CMIP: variants seen among roughly 807,000 people sequenced by gnomAD.
CMIP encodes C-Maf-inducing protein.
In CMIP, 13 loss-of-function variants were observed where a neutral mutation model predicts 97.3. The observed-to-expected ratio is 0.13, with a 90% CI of 0.09 to 0.21. CMIP has a LOEUF of 0.21. Among genes scored for constraint, CMIP ranks in the 10% least tolerant of loss-of-function variants. The pLI is 1.00. For missense variants in CMIP, 847 were observed against 1,024.9 expected, an observed-to-expected ratio of 0.83 and a Z score of 2.37; for synonymous variants, 538 against 436.3, an observed-to-expected ratio of 1.23 and a Z score of -2.91.
chr16:81,678,178 C>T (rs1460981199), intron 9 of CMIP, 97 bp from the exon 10 acceptor site: 13 of 908,950 alleles, frequency 1.4e-5, no homozygotes, highest in African/African-American at 3.4e-5. Flanking sequence ...ACATTTTGGC[C>T]TCATCCTGGG....
intron 1 of CMIP, among the ~76,000 whole-genome samples, chr16:81,537,694 C>A (rs1164428611): frequency 1.3e-5 from 2 of 150,438 alleles, no homozygotes; most frequent in African/African-American, 4.9e-5. Flanking sequence ...AGTGAGACGC[C>A]CATCTCTGTT....
At chr16:81,473,636 G>GC (rs1310805373) in intron 1 of CMIP, among the ~76,000 whole-genome samples, 1 of 126,264 alleles carries the variant, frequency 7.9e-6, no homozygotes, top group African/African-American at 3.4e-5. Context: ...GGGCTTGGAC[G>GC]CTTGTGTTGG....
chr16:81,634,026 G>C (rs977685227), intron 3 of CMIP, among the ~76,000 whole-genome samples: 4 of 152,240 alleles, frequency 2.6e-5, no homozygotes, highest in African/African-American at 9.6e-5. Context: ...CGGTAGCTCA[G>C]TGGTTTTCAG....
intron 1 of CMIP, among the ~76,000 whole-genome samples, chr16:81,509,682 C>A (rs955326761): frequency 6.6e-6 from 1 of 152,184 alleles, no homozygotes; most frequent in Non-Finnish European, 1.5e-5. Context: ...AGGGCTCCAA[C>A]CCTGGTTTCA....
intron 1 of CMIP, among the ~76,000 whole-genome samples, chr16:81,584,817 C>T (rs2091354040): frequency 6.6e-6 from 1 of 152,186 alleles, no homozygotes; most frequent in South Asian, 2.1e-4. Context: ...AGTAAAGGAA[C>T]GCTTCTGCAA....
intron 18 of CMIP, 38 bp downstream of exon 18, chr16:81,704,123 C>G (rs1288731915): frequency 1.3e-5 from 20 of 1,569,158 alleles, no homozygotes; most frequent in Non-Finnish European, 1.6e-5. Context: ...CCCACACCCT[C>G]CTCCTTCACC....
rs575943434 is a variant in CMIP, at chr16:81,663,832, C to G, written c.745-437C>G. ...GCACTTTACCCCCTGCCCAGGGAGT[C>G]CTCTGTGTGTGCATCAGGGGACAGG... On this transcript the variant is annotated intron_variant, in intron 6 of 20. Transcript: ENST00000537098. Among the ~76,000 whole-genome samples, 42 of 152,206 alleles carry G rather than the reference C, an allele frequency of 2.8e-4. 1 individual carries two copies. Among genetic ancestry groups the G allele is most frequent in the African/African-American group, 9.6e-4 (40 of 41,528 alleles).
At position 81,586,137 on chromosome 16, in the gene CMIP, C is replaced by T. The variant is rs189823968; in HGVS notation, c.301-21430C>T. Among the ~76,000 whole-genome samples the T allele has an allele frequency of 2.9e-3, 433 of 151,664 alleles. 1 individual carries two copies. The highest frequency in any genetic ancestry group is 0.014 in the South Asian group (66 of 4,798). The stretch of plus-strand genomic sequence containing the variant: ...GAAAGGATTTGGGGTGGGGGTGGGT[C>T]TAAACAGCTACTTGTAGAGACAGCC... On this transcript the variant is annotated intron_variant, in intron 1 of 20. Transcript: ENST00000537098.
chr16:81,481,385 C>T (rs771924886), intron 1 of CMIP, among the ~76,000 whole-genome samples: 4 of 152,174 alleles, frequency 2.6e-5, no homozygotes, highest in South Asian at 2.1e-4. Flanking sequence ...AGGACAGGGC[C>T]GCTCAGGAAG....
intron 1 of CMIP, among the ~76,000 whole-genome samples, chr16:81,522,905 A>G (rs981737263): frequency 3.9e-5 from 6 of 152,188 alleles, no homozygotes; most frequent in African/African-American, 1.2e-4. Flanking sequence ...CATAAACAAT[A>G]TATAACATTT....
In CMIP at chr16:81,603,140, C is replaced by T. The variant is rs962318933; in HGVS notation, c.301-4427C>T. ...TGTTGCCCAGGCTACAGTGCAGTGG[C>T]GCGATCTCGGCTCACTGCAAGCTTC... On this transcript the variant is annotated intron_variant, in intron 1 of 20. Transcript: ENST00000537098. 4.6e-5 allele frequency among the ~76,000 whole-genome samples: 7 copies of T among 152,232 alleles called. No homozygotes were observed. In the East Asian group the frequency reaches 1.4e-3, roughly 29 times the overall value.
chr16:81,523,116 C>T (rs911628580), intron 1 of CMIP, among the ~76,000 whole-genome samples: 4 of 152,186 alleles, frequency 2.6e-5, no homozygotes, highest in South Asian at 4.2e-4. Context: ...GACAGGACTT[C>T]GCTATGTTGC....
intron 5 of CMIP, among the ~76,000 whole-genome samples, chr16:81,660,206 G>C (rs2092529412): frequency 6.6e-6 from 1 of 152,060 alleles, no homozygotes; most frequent in Admixed American, 6.6e-5. Context: ...CCAGACCCCA[G>C]CCATACTAGC....
chr16:81,497,464 C>T (rs986917184), intron 1 of CMIP, among the ~76,000 whole-genome samples: 12 of 152,190 alleles, frequency 7.9e-5, no homozygotes, highest in South Asian at 2.1e-4. Flanking sequence ...AAACAACCCC[C>T]GAACCCAGCT....
chr16:81,634,761 T>C (rs1214123253), intron 3 of CMIP, among the ~76,000 whole-genome samples: 2 of 152,124 alleles, frequency 1.3e-5, no homozygotes, highest in African/African-American at 4.8e-5. Context: ...TTAAAGCCCT[T>C]TGTAGTAGGC....
chr16:81,642,066 C>T lies in CMIP; in HGVS notation c.478-10137C>T, dbSNP rs113549696. Among the ~76,000 whole-genome samples the T allele has an allele frequency of 8.3e-3, 1,268 of 152,374 alleles. 10 individuals are homozygous for T. The highest frequency in any genetic ancestry group is 0.013 in the Non-Finnish European group (896 of 68,036). The stretch of plus-strand genomic sequence containing the variant: ...AAATGTATTTATACAAAGTGCTTCG[C>T]ACAGGACCTGGCCTATGGAGTGCCC... On this transcript the variant is annotated intron_variant, in intron 3 of 20. Transcript: ENST00000537098.
At chr16:81,447,191 A>T (rs897925623) in intron 1 of CMIP, among the ~76,000 whole-genome samples, 1 of 149,844 alleles carries the variant, frequency 6.7e-6, no homozygotes, top group African/African-American at 2.5e-5. Flanking sequence ...GAGACCCCAG[A>T]TCTGGCTTCA....
intron 1 of CMIP, among the ~76,000 whole-genome samples, chr16:81,469,153 C>T (rs1004026171): frequency 6.6e-6 from 1 of 152,206 alleles, no homozygotes; most frequent in Non-Finnish European, 1.5e-5. Context: ...CAACCTTTGA[C>T]GTTGGTGGGG....
chr16:81,684,434 A>G (rs1048664876), intron 10 of CMIP, among the ~76,000 whole-genome samples: 3 of 152,160 alleles, frequency 2.0e-5, no homozygotes, highest in Non-Finnish European at 4.4e-5. Flanking sequence ...GACTTGCAGG[A>G]GATTCTGTGA....
Sources: gnomAD v4.1 joint callset for allele counts (sites outside exome capture counted in the v4.1 genomes callset) on GRCh38, gnomAD v4.1.1 for gene constraint, MANE v1.5 for transcripts, NCBI Gene and HGNC (gene_info 2026-07-23, HGNC 2026-07-21) for gene names.